Variants in SLC38A10 observed in about 807,000 individuals in gnomAD.
The protein encoded by SLC38A10 is solute carrier family 38 member 10.
A neutral mutation model predicts 81.0 loss-of-function variants in SLC38A10; 53 were observed. The ratio of observed to expected loss-of-function variants is 0.65; its 90% confidence interval spans 0.53 to 0.82. The LOEUF is 0.82. Ranked by LOEUF, SLC38A10 falls within the 40% of genes least tolerant of loss-of-function variation. The pLI is 0.00. For missense variants in SLC38A10, 1,471 were observed against 1,545.0 expected (o/e 0.95, Z 0.80); for synonymous variants, 665 against 655.3 (o/e 1.01, Z -0.23).
Position 81,270,790 on chromosome 17 carries a change from T to C in SLC38A10, c.1131+128A>G. ...CCAGGCTGACTGGACCAAGTCCCTT[T>C]TGTGGGTTTTAAGTTTCTTGATAGA... On this transcript the variant is annotated intron_variant, in intron 10 of 15. Transcript: ENST00000374759. The surrounding 1 kb of genome is among the most constrained non-coding windows in gnomAD (Gnocchi z 4.0). 1 of 725,156 alleles carries C rather than the reference T, an allele frequency of 1.4e-6. No individual in the cohort carries two copies. The highest frequency in any genetic ancestry group is 2.7e-5 in the East Asian group (1 of 36,918). The allele number at this position is 725,156 out of a possible 1,614,324, so 44.9% of individuals were successfully genotyped here.
intron 8 of SLC38A10, among the ~76,000 whole-genome samples, chr17:81,274,774 G>T (rs1186100854): frequency 6.6e-6 from 1 of 152,196 alleles, no homozygotes; most frequent in African/African-American, 2.4e-5. Context: ...GCCTTTCATG[G>T]TTCACTCTGC....
At position 81,252,309 on chromosome 17, in the gene SLC38A10, GCAC is replaced by G. The variant is rs766783082; in HGVS notation, c.1828_1830del (p.Val610del). ...GCCAGGCCGTTCTGCTGCTCAGACA[GCAC>G]TGCCTGGGGCCGAGGATGCAGGCCC... is the stretch of plus-strand genomic sequence containing the variant. On this transcript the variant is annotated inframe_deletion, in exon 13 of 16. Coordinates refer to ENST00000374759, the MANE Select transcript of SLC38A10 (RefSeq NM_001037984.3). The G allele has an allele frequency of 1.2e-6, 2 of 1,611,964 alleles. No individual in the cohort carries two copies. The highest frequency in any genetic ancestry group is 8.5e-7 in the Non-Finnish European group (1 of 1,179,302).
At chr17:81,255,651 C>T (rs9900614) in intron 11 of SLC38A10, among the ~76,000 whole-genome samples, 54,348 of 152,106 alleles carry the variant, frequency 0.36, 10,230 homozygotes, top group African/African-American at 0.46. Flanking sequence ...CCAGGAACAC[C>T]CAGCAGAGGG....
intron 9 of SLC38A10, among the ~76,000 whole-genome samples, chr17:81,271,640 T>C (rs1328809346): frequency 1.3e-5 from 2 of 152,132 alleles, no homozygotes; most frequent in Non-Finnish European, 2.9e-5. Flanking sequence ...CAGGACAGCA[T>C]GCGCTGTTCT....
intron 13 of SLC38A10, chr17:81,251,873 C>G: frequency 2.0e-6 from 1 of 510,748 alleles, no homozygotes; most frequent in Non-Finnish European, 3.3e-6. Context: ...CTAAGCAGCT[C>G]TTAGACGGGC....
At chr17:81,292,462 A>AC (rs2063319010) in intron 1 of SLC38A10, among the ~76,000 whole-genome samples, 1 of 152,040 alleles carries the variant, frequency 6.6e-6, no homozygotes, top group African/African-American at 2.4e-5. Flanking sequence ...ACTAAAACAA[A>AC]AAAAAAAACA....
At chr17:81,264,909 C>T (rs1434648713) in intron 10 of SLC38A10, 1 of 152,322 alleles carries the variant, frequency 6.6e-6, no homozygotes, top group East Asian at 1.9e-4. Context: ...GGACTGCTGC[C>T]CTCTGGGCGC....
chr17:81,294,013 GTTTT>G (rs1567952359), intron 1 of SLC38A10, among the ~76,000 whole-genome samples: 1 of 152,022 alleles, frequency 6.6e-6, no homozygotes, highest in East Asian at 1.9e-4. Flanking sequence ...CAAATGTGCA[GTTTT>G]TTGTTTTTGT....
Position 81,259,351 on chromosome 17 carries a change from G to A in SLC38A10, c.1288+887C>T, listed in dbSNP as rs1458940874. ...TGACTGAGCCGGGGCCTCTGCAGAG[G>A]GGTGTGTTGGATATGGTCGGCACAC... is the stretch of plus-strand genomic sequence containing the variant. On this transcript the variant is annotated intron_variant, in intron 11 of 15. Transcript: ENST00000374759. Among the ~76,000 whole-genome samples, 3 of 152,240 alleles carry A rather than the reference G, an allele frequency of 2.0e-5. No homozygotes were observed. The East Asian group carries it at 5.8e-4, about 29-fold the overall frequency.
chr17:81,246,440 GCT>G lies in SLC38A10; in HGVS notation c.2474_2475del (p.Glu825AlafsTer141), dbSNP rs751773464. On this transcript the variant is annotated frameshift_variant, in exon 16 of 16. Coordinates refer to ENST00000374759, the MANE Select transcript of SLC38A10 (RefSeq NM_001037984.3). LOFTEE classifies it low-confidence loss of function (END_TRUNC). ...CTCAGCTTGGCCTGGGCTGCCCGAG[GCT>G]CTGTGTCAGGGCCGCCGTCAGGAGG... Reference protein sequence around the residue: ...AGPPDGGPDTEPRAAQAKLRD... With the variant: ...AGPPDGGPDTXPRAAQAKLRD... The G allele has an allele frequency of 1.3e-6, 2 of 1,594,954 alleles. No individual in the cohort carries two copies. The highest frequency in any genetic ancestry group is 1.7e-6 in the Non-Finnish European group (2 of 1,171,144).
In SLC38A10 at chr17:81,246,321, C is replaced by T. The variant is rs1383905935; in HGVS notation, c.2595G>A (p.Arg865=). The T allele has an allele frequency of 6.2e-7, 1 of 1,610,018 alleles. No homozygotes were observed. The highest frequency in any genetic ancestry group is 8.5e-7 in the Non-Finnish European group (1 of 1,179,816). ...GGCGCTCCTCTGGGCCCCCGGCTTC[C>T]CTGGCGGGGTCTGGCACGGGCACCT... is the stretch of plus-strand genomic sequence containing the variant. ...PEQVPVPDPA[R]EAGGPEERLA... The change falls in exon 16 of 16, where the codon AGG becomes AGA. Residue 865 remains arginine (R), a synonymous_variant. Transcript: ENST00000374759.
intron 14 of SLC38A10, chr17:81,250,147 A>G (rs1228867257): frequency 1.1e-5 from 14 of 1,274,570 alleles, no homozygotes; most frequent in Non-Finnish European, 1.4e-5. Flanking sequence ...GAAACCGTGA[A>G]AAGTCTTTTT....
In SLC38A10 at chr17:81,245,473, A is replaced by G; in HGVS notation, c.*83T>C. 6.7e-7 allele frequency: 1 copy of G among 1,484,576 alleles called. No individual in the cohort carries two copies. Among genetic ancestry groups the G allele is most frequent in the Non-Finnish European group, 9.0e-7 (1 of 1,114,538 alleles). The allele number at this position is 1,484,576 out of a possible 1,614,324, so 92.0% of individuals were successfully genotyped here. A position where few individuals can be genotyped will look rare whatever the true frequency, so the allele number is the denominator to read the frequency against. On this transcript the variant is annotated 3_prime_UTR_variant, in exon 16 of 16. Coordinates refer to ENST00000374759, the MANE Select transcript of SLC38A10 (RefSeq NM_001037984.3). ...GGGGAGAGGCGAGTGTGACCTCCAG[A>G]GTTTGGCTGGGATGCGGCTGAGACA...
chr17:81,274,904 T>C (rs1015209355), intron 8 of SLC38A10, among the ~76,000 whole-genome samples: 5 of 152,190 alleles, frequency 3.3e-5, no homozygotes, highest in Non-Finnish European at 7.3e-5. Context: ...AGCCTCACTT[T>C]TTATTTTTCT....
Position 81,289,610 on chromosome 17 carries a change from G to A in SLC38A10, c.217+81C>T, listed in dbSNP as rs995374340. The A allele has an allele frequency of 1.8e-5, 17 of 932,488 alleles. No individual in the cohort carries two copies. The African/African-American group carries it at 2.6e-4, about 14-fold the overall frequency. The allele number at this position is 932,488 out of a possible 1,614,324, so 57.8% of individuals were successfully genotyped here. The stretch of plus-strand genomic sequence containing the variant: ...ATCCAAGGAATTCTTGAAGAATCAA[G>A]TAGAGTAAATAAATAAATAAATAAA... On this transcript the variant is annotated intron_variant, in intron 2 of 15. Coordinates refer to ENST00000374759, the MANE Select transcript of SLC38A10 (RefSeq NM_001037984.3). The surrounding 1 kb of genome is among the most constrained non-coding windows in gnomAD (Gnocchi z 5.9).
Position 81,270,667 on chromosome 17 carries a change from A to G in SLC38A10, c.1131+251T>C, listed in dbSNP as rs1308335737. Reference sequence around the variant, plus strand: ...ACCATGGGGAAAGCGCTTACGACTCAGCTAAGTCGGCTCTCAGGAAAACCC... The same window carrying G: ...ACCATGGGGAAAGCGCTTACGACTCGGCTAAGTCGGCTCTCAGGAAAACCC... On this transcript the variant is annotated intron_variant, in intron 10 of 15. Coordinates refer to ENST00000374759, the MANE Select transcript of SLC38A10 (RefSeq NM_001037984.3). The surrounding 1 kb of genome is among the most constrained non-coding windows in gnomAD (Gnocchi z 4.0). 1.3e-5 allele frequency among the ~76,000 whole-genome samples: 2 copies of G among 152,196 alleles called. No homozygotes were observed. Among genetic ancestry groups the G allele is most frequent in the Non-Finnish European group, 2.9e-5 (2 of 68,038 alleles).
In SLC38A10 at chr17:81,282,308, G is replaced by C. The variant is rs1463107940; in HGVS notation, c.382C>G (p.Leu128Val). ...FQVGGTFRMF[L>V]LFAVSLCIVL... ...ATGCACAGCGACACGGCGAACAGCAGGAACATGCGGAAGGTGCCGCCCACC... is the reference window on the plus strand; with the variant it reads ...ATGCACAGCGACACGGCGAACAGCACGAACATGCGGAAGGTGCCGCCCACC... Residue 128 changes from leucine to valine, a missense_variant, in exon 5 of 16, where the codon CTG (leucine) becomes GTG (valine). Leu to Val is a conservative substitution (Grantham distance 32, BLOSUM62 1). Coordinates refer to ENST00000374759, the MANE Select transcript of SLC38A10 (RefSeq NM_001037984.3). 54 of 1,612,726 alleles carry C rather than the reference G, an allele frequency of 3.3e-5. No homozygotes were observed. The highest frequency in any genetic ancestry group is 4.4e-5 in the Non-Finnish European group (52 of 1,179,766).
Position 81,289,570 on chromosome 17 carries a change from A to T in SLC38A10, c.217+121T>A, listed in dbSNP as rs545913370. On this transcript the variant is annotated intron_variant, in intron 2 of 15. Coordinates refer to ENST00000374759, the MANE Select transcript of SLC38A10 (RefSeq NM_001037984.3). The surrounding 1 kb of genome is among the most constrained non-coding windows in gnomAD (Gnocchi z 5.9). ...TTTTTGCAGCATTACATTTTAAAATAAAAAAAACCCTGCTATCCAAGGAAT... is the reference window on the plus strand; with the variant it reads ...TTTTTGCAGCATTACATTTTAAAATTAAAAAAACCCTGCTATCCAAGGAAT... 75 of 697,256 alleles carry T rather than the reference A, an allele frequency of 1.1e-4. No individual in the cohort carries two copies. The highest frequency in any genetic ancestry group is 9.6e-4 in the African/African-American group (52 of 54,008). 43.2% of individuals were successfully genotyped at this position (697,256 alleles called of 1,614,324 possible). A position where few individuals can be genotyped will look rare whatever the true frequency, so the allele number is the denominator to read the frequency against.
chr17:81,245,029 C>T lies in SLC38A10; in HGVS notation c.*527G>A, dbSNP rs2062835461. On this transcript the variant is annotated 3_prime_UTR_variant, in exon 16 of 16. Coordinates refer to ENST00000374759, the MANE Select transcript of SLC38A10 (RefSeq NM_001037984.3). The stretch of plus-strand genomic sequence containing the variant: ...TGAAGGCAAAAGTGTTTATTCAAGA[C>T]TTTCTACCACACTGTGGGAAGCATC... The T allele has an allele frequency of 6.4e-6, 1 of 156,388 alleles. No homozygotes were observed. Among genetic ancestry groups the T allele is most frequent in the Non-Finnish European group, 1.4e-5 (1 of 70,896 alleles). The allele number at this position is 156,388 out of a possible 1,614,324, so 9.7% of individuals were successfully genotyped here. A position where few individuals can be genotyped will look rare whatever the true frequency, so the allele number is the denominator to read the frequency against.
Sources: allele counts gnomAD v4.1 joint callset (sites outside exome capture counted in the v4.1 genomes callset), GRCh38; gene constraint gnomAD v4.1.1; non-coding constraint Gnocchi (gnomAD v3.1); transcripts MANE v1.5; gene names NCBI Gene and HGNC (gene_info 2026-07-23, HGNC 2026-07-21).